PRKACB: variants seen among roughly 807,000 people sequenced by gnomAD.
PRKACB encodes the protein protein kinase cAMP-activated catalytic subunit beta.
A neutral mutation model predicts 51.4 loss-of-function variants in PRKACB; 16 were observed. The observed-to-expected ratio is 0.31, with a 90% CI of 0.21 to 0.47. The LOEUF (loss-of-function observed/expected upper bound fraction) is 0.47, where lower values mean the gene tolerates loss of function less well. PRKACB is among the 20% of genes least tolerant of loss of function. PRKACB has a pLI of 1.00. For synonymous variants in PRKACB, 147 were observed against 154.4 expected (o/e 0.95, Z 0.35); for missense variants, 309 against 464.5 (o/e 0.67, Z 3.08).
chr1:84,195,074 G>A (rs372513327), intron 5 of PRKACB, among the ~76,000 whole-genome samples: 96 of 152,290 alleles, frequency 6.3e-4, no homozygotes, highest in African/African-American at 2.2e-3. Flanking sequence ...TATGTTTACA[G>A]ATGCATGGAT....
intron 9 of PRKACB, among the ~76,000 whole-genome samples, chr1:84,220,753 C>A (rs752337040): frequency 4.6e-5 from 7 of 152,080 alleles, no homozygotes; most frequent in Non-Finnish European, 7.4e-5. Flanking sequence ...AATTGATTTG[C>A]ATATATTGAC....
At chr1:84,110,066 G>GTGTA (rs1650092508) in intron 1 of PRKACB, among the ~76,000 whole-genome samples, 1 of 151,652 alleles carries the variant, frequency 6.6e-6, no homozygotes, top group South Asian at 2.1e-4. Flanking sequence ...GTGTATGTGT[G>GTGTA]CATATATACA....
At chr1:84,160,997 G>T (rs758544876) in intron 1 of PRKACB, among the ~76,000 whole-genome samples, 37 of 151,718 alleles carry the variant, frequency 2.4e-4, no homozygotes, top group Admixed American at 2.0e-3. Context: ...TTTTGATGGT[G>T]TTATTTAAGT....
At chr1:84,128,007 CTT>C (rs10537848) in intron 1 of PRKACB, among the ~76,000 whole-genome samples, 1,145 of 105,362 alleles carry the variant, frequency 0.011, 14 homozygotes, top group African/African-American at 0.036. Context: ...CTTTTTTTTT[CTT>C]TTTTTTTTTT....
exon 1 of PRKACB, chr1:84,078,179 C>T: frequency 4.7e-6 from 4 of 857,546 alleles, no homozygotes; most frequent in Non-Finnish European, 5.2e-6. Context: ...CCGGCCCGGT[C>T]TTCGCGCCCG....
At position 84,235,246 on chromosome 1, in the gene PRKACB, G is replaced by A. The variant is rs1371143203; in HGVS notation, c.1138G>A (p.Glu380Lys). ...TACCAGCAACTTTGATGACTATGAA[G>A]AAGAAGATATCCGTGTCTCTATAAC... ...GDTSNFDDYEEEDIRVSITEK... is the reference protein window; with the variant it reads ...GDTSNFDDYEKEDIRVSITEK... The change falls in exon 10 of 10, where the codon GAA (glutamate) becomes AAA (lysine). Residue 380 changes from glutamate (E) to lysine (K), a missense_variant. Around this residue, in one of 3 missense-constraint regions of PRKACB, gnomAD observed 96 missense variants for 129.9 expected, o/e 0.74. Transcript: ENST00000370685. 1 of 1,613,846 alleles carries A rather than the reference G, an allele frequency of 6.2e-7. No individual in the cohort carries two copies. Among genetic ancestry groups the A allele is most frequent in the East Asian group, 2.2e-5 (1 of 44,886 alleles).
chr1:84,183,227 CT>C (rs1409317040), intron 3 of PRKACB, among the ~76,000 whole-genome samples: 1 of 151,946 alleles, frequency 6.6e-6, no homozygotes, highest in African/African-American at 2.4e-5. Context: ...ATTTATATGT[CT>C]TGCTAAAGTC....
intron 5 of PRKACB, among the ~76,000 whole-genome samples, chr1:84,185,817 G>A (rs1664921600): frequency 6.6e-6 from 1 of 151,950 alleles, no homozygotes; most frequent in Admixed American, 6.6e-5. Flanking sequence ...ATAGAATAAA[G>A]CTAAAATAAA....
At chr1:84,186,435 T>C (rs185789722) in intron 5 of PRKACB, among the ~76,000 whole-genome samples, 195 of 152,110 alleles carry the variant, frequency 1.3e-3, no homozygotes, top group African/African-American at 4.5e-3. Flanking sequence ...GCCAGGCTGG[T>C]CTCGAACTCC....
In PRKACB at chr1:84,236,729, T is replaced by A. The variant is rs891811317; in HGVS notation, c.*1424T>A. 5.2e-5 allele frequency: 8 copies of A among 152,588 alleles called. No individual in the cohort carries two copies. Among genetic ancestry groups the A allele is most frequent in the African/African-American group, 1.7e-4 (7 of 41,440 alleles). 9.5% of individuals were successfully genotyped at this position (152,588 alleles called of 1,614,324 possible). ...GCACTTTTGCACATTTAGTTCAGTGTTTGTTGAGAATCCATGGCTTAACCC... is the reference window on the plus strand; with the variant it reads ...GCACTTTTGCACATTTAGTTCAGTGATTGTTGAGAATCCATGGCTTAACCC... On this transcript the variant is annotated 3_prime_UTR_variant, in exon 10 of 10. Coordinates refer to ENST00000370685, the MANE Select transcript of PRKACB (RefSeq NM_182948.4).
At chr1:84,185,535 T>C (rs180695243) in intron 5 of PRKACB, among the ~76,000 whole-genome samples, 10 of 151,928 alleles carry the variant, frequency 6.6e-5, no homozygotes, top group East Asian at 5.8e-4. Context: ...AGGATTGTTT[T>C]AAGGATGAAG....
chr1:84,118,604 T>C (rs958179045), intron 1 of PRKACB, among the ~76,000 whole-genome samples: 3 of 151,978 alleles, frequency 2.0e-5, no homozygotes, highest in African/African-American at 7.2e-5. Flanking sequence ...AATATAAAGC[T>C]TAAAGTGAAG....
intron 1 of PRKACB, among the ~76,000 whole-genome samples, chr1:84,167,840 G>T (rs1658025872): frequency 6.6e-6 from 1 of 151,402 alleles, no homozygotes; most frequent in African/African-American, 2.4e-5. Context: ...TATCAACTTT[G>T]TAGGATGAAG....
rs888375629 is a variant in PRKACB at position 84,170,016 on chromosome 1, T to G, written c.188-9161T>G. ...GAAATGCTGAATAAACTGTAACAAG[T>G]GCCCCTTTAAATGAATACCTGAATT... is the stretch of plus-strand genomic sequence containing the variant. On this transcript the variant is annotated intron_variant, in intron 1 of 9. Transcript: ENST00000370685. Among the ~76,000 whole-genome samples the G allele has an allele frequency of 2.0e-5, 3 of 151,688 alleles. No individual in the cohort carries two copies. The Admixed American group carries it at 2.0e-4, about 10-fold the overall frequency.
chr1:84,179,380 T>C, intron 2 of PRKACB, 142 bp downstream of exon 2: 1 of 1,036,642 alleles, frequency 9.6e-7, no homozygotes, highest in South Asian at 2.4e-5. Flanking sequence ...AATTTTGCCA[T>C]AGTTATACTT....
chr1:84,105,322 G>C (rs2642186), intron 1 of PRKACB, among the ~76,000 whole-genome samples: 106,183 of 151,828 alleles, frequency 0.7, 37,977 homozygotes, highest in Non-Finnish European at 0.8. Flanking sequence ...CCTTGTTATG[G>C]AGAGAAACTT....
At chr1:84,126,333 CTT>C (rs1651606385) in intron 1 of PRKACB, among the ~76,000 whole-genome samples, 1 of 152,130 alleles carries the variant, frequency 6.6e-6, no homozygotes, top group African/African-American at 2.4e-5. Context: ...AGAAGTGGCT[CTT>C]GGCAGGATGG....
intron 1 of PRKACB, among the ~76,000 whole-genome samples, chr1:84,079,361 T>C (rs1177022568): frequency 6.6e-6 from 1 of 152,208 alleles, no homozygotes; most frequent in Admixed American, 6.5e-5. Flanking sequence ...GATTTTAGTT[T>C]GTGTAAATAT....
At chr1:84,181,873 A>T in intron 2 of PRKACB, 1 of 569,262 alleles carries the variant, frequency 1.8e-6, no homozygotes, top group South Asian at 4.4e-5. Flanking sequence ...AAACTAATTT[A>T]TTGGAAGTTC....
Sources: gnomAD v4.1 joint callset for allele counts (sites outside exome capture counted in the v4.1 genomes callset) on GRCh38, gnomAD v4.1.1 for gene constraint, gnomAD v4.1.1 regional missense constraint, MANE v1.5 for transcripts, NCBI Gene and HGNC (gene_info 2026-07-23, HGNC 2026-07-21) for gene names.